The following OCA2 variants were observed in gnomAD, a reference collection of about 807,000 sequenced individuals.
OCA2 encodes the protein OCA2 melanosomal transmembrane protein, also known as P protein.
OCA2 carries 77 observed loss-of-function variants against 100.2 expected under a neutral mutation model. The observed-to-expected ratio is 0.77, with a 90% CI of 0.64 to 0.93. The LOEUF is 0.93. Among genes scored for constraint, OCA2 ranks in the 40% least tolerant of loss-of-function variants. OCA2 has a pLI of 0.00. For missense variants in OCA2, 1,062 were observed against 1,089.1 expected (o/e 0.98, Z 0.35); for synonymous variants, 432 against 439.2 (o/e 0.98, Z 0.21).
chr15:27,797,302 T>C (rs2033384936), intron 23 of OCA2, among the ~76,000 whole-genome samples: 1 of 152,188 alleles, frequency 6.6e-6, no homozygotes, highest in African/African-American at 2.4e-5. Context: ...TTCTTGCTAG[T>C]TACCTGTGTG....
chr15:28,039,624 C>A (rs1030542640), intron 2 of OCA2, among the ~76,000 whole-genome samples: 2 of 152,160 alleles, frequency 1.3e-5, no homozygotes, highest in African/African-American at 4.8e-5. Flanking sequence ...AAGCCCTAAC[C>A]CCTAGTACCC....
intron 16 of OCA2, among the ~76,000 whole-genome samples, chr15:27,955,454 G>A (rs1454914035): frequency 6.6e-6 from 1 of 152,168 alleles, no homozygotes; most frequent in African/African-American, 2.4e-5. Context: ...TGTGTGAGGA[G>A]GTACATGTGA....
chr15:27,998,665 G>C (rs1360864604), intron 9 of OCA2, among the ~76,000 whole-genome samples: 1 of 135,582 alleles, frequency 7.4e-6, no homozygotes, highest in Non-Finnish European at 1.6e-5. Flanking sequence ...TCTAGAACTA[G>C]AAATACCATT....
intron 23 of OCA2, among the ~76,000 whole-genome samples, chr15:27,793,309 C>T (rs1042484181): frequency 1.6e-4 from 24 of 151,740 alleles, no homozygotes; most frequent in African/African-American, 2.9e-4. Context: ...TGAGTGTTTG[C>T]GAAACTATTA....
intron 23 of OCA2, among the ~76,000 whole-genome samples, chr15:27,778,668 C>A (rs551402099): frequency 6.6e-6 from 1 of 152,102 alleles, no homozygotes; most frequent in African/African-American, 2.4e-5. Flanking sequence ...GGAAATTTCC[C>A]AGGGCCCTCG....
intron 6 of OCA2, among the ~76,000 whole-genome samples, chr15:28,020,169 C>T (rs1287072136): frequency 6.6e-6 from 1 of 152,162 alleles, no homozygotes; most frequent in Non-Finnish European, 1.5e-5. Flanking sequence ...GCCCTGCCCC[C>T]TGCTGGGAGG....
intron 23 of OCA2, among the ~76,000 whole-genome samples, chr15:27,834,155 A>G (rs973281157): frequency 2.0e-5 from 3 of 152,180 alleles, no homozygotes; most frequent in African/African-American, 7.2e-5. Context: ...CCCCACACCA[A>G]TCCTCAGGGA....
chr15:28,028,898 C>G (rs1459507419), intron 3 of OCA2, among the ~76,000 whole-genome samples: 2 of 152,096 alleles, frequency 1.3e-5, no homozygotes, highest in African/African-American at 4.8e-5. Flanking sequence ...GTTGGCCAGG[C>G]TAGTCTCGAA....
At chr15:27,742,580 C>G in the OCA2 span, among the ~76,000 whole-genome samples, 1 of 152,154 alleles carries the variant, frequency 6.6e-6, no homozygotes, top group African/African-American at 2.4e-5. Flanking sequence ...ACCGGGCCAC[C>G]TTCCCTTAAA....
chr15:27,861,122 G>A (rs1291071631), intron 21 of OCA2, among the ~76,000 whole-genome samples: 1 of 152,212 alleles, frequency 6.6e-6, no homozygotes. Context: ...GGGGCCTCAG[G>A]GGACAGGAGT....
At chr15:27,986,005 T>G (rs2041341496) in intron 12 of OCA2, among the ~76,000 whole-genome samples, 1 of 152,198 alleles carries the variant, frequency 6.6e-6, no homozygotes, top group South Asian at 2.1e-4. Context: ...GAGTAATTTT[T>G]AAAAAGACCT....
At chr15:27,889,694 A>T (rs2037376700) in intron 19 of OCA2, among the ~76,000 whole-genome samples, 1 of 152,206 alleles carries the variant, frequency 6.6e-6, no homozygotes, top group African/African-American at 2.4e-5. Flanking sequence ...GGGATTTGCT[A>T]GCCTGTCAGA....
chr15:27,939,024 G>A (rs2039556606), intron 18 of OCA2, among the ~76,000 whole-genome samples: 1 of 152,148 alleles, frequency 6.6e-6, no homozygotes, highest in Non-Finnish European at 1.5e-5. Context: ...TGAGGCCATG[G>A]GGGAACCAAC....
intron 19 of OCA2, among the ~76,000 whole-genome samples, chr15:27,903,134 T>TGGGCTGCTGTGAGGCTGGAGAC (rs1329507838): frequency 6.6e-6 from 1 of 152,218 alleles, no homozygotes; most frequent in Non-Finnish European, 1.5e-5. Flanking sequence ...CCCTCTCCCC[T>TGGGCTGCTGTGAGGCTGGAGAC]GGGCTGCTGT....
intron 19 of OCA2, 25 bp from the exon 20 acceptor site, chr15:27,871,947 A>C: frequency 1.3e-6 from 2 of 1,574,644 alleles, no homozygotes; most frequent in Admixed American, 1.7e-5. Context: ...GTGTGGTGAG[A>C]ATCAGTTTAG....
At chr15:28,047,726 C>T (rs1398641632) in intron 2 of OCA2, among the ~76,000 whole-genome samples, 1 of 152,186 alleles carries the variant, frequency 6.6e-6, no homozygotes, top group African/African-American at 2.4e-5. Flanking sequence ...TGCCTACTTT[C>T]ACTATTGCTA....
intron 9 of OCA2, among the ~76,000 whole-genome samples, chr15:27,997,786 G>C (rs533313515): frequency 1.5e-5 from 2 of 129,280 alleles, no homozygotes; most frequent in East Asian, 2.1e-4. Flanking sequence ...CCATTTTCAC[G>C]ATATTGATTC....
chr15:28,020,229 G>A (rs1301394755), intron 6 of OCA2, among the ~76,000 whole-genome samples: 2 of 152,004 alleles, frequency 1.3e-5, no homozygotes, highest in African/African-American at 4.8e-5. Context: ...CAGGCTGCTC[G>A]AGAAGGAGCT....
the OCA2 span, among the ~76,000 whole-genome samples, chr15:27,738,989 A>G: frequency 2.2e-5 from 1 of 45,016 alleles, no homozygotes; most frequent in African/African-American, 7.0e-5. Context: ...TCTGCTCTAC[A>G]GGTGGGACCC....
Sources: gnomAD v4.1 joint callset for allele counts (sites outside exome capture counted in the v4.1 genomes callset) on GRCh38, gnomAD v4.1.1 for gene constraint, MANE v1.5 for transcripts, NCBI Gene and HGNC (gene_info 2026-07-23, HGNC 2026-07-21) for gene names.